Variants in PTPRS observed in about 807,000 individuals in gnomAD.
The protein encoded by PTPRS is protein tyrosine phosphatase receptor type S.
In PTPRS, 63 loss-of-function variants were observed where a neutral mutation model predicts 215.3. The observed-to-expected ratio is 0.29, with a 90% CI of 0.24 to 0.36. The LOEUF is 0.36. PTPRS is among the 10% of genes least tolerant of loss of function. The pLI, the probability that PTPRS is intolerant of heterozygous loss-of-function variation, is 1.00. For missense variants in PTPRS, 2,258 were observed against 2,825.8 expected, an observed-to-expected ratio of 0.80 and a Z score of 4.56; for synonymous variants, 1,404 against 1,191.4, an observed-to-expected ratio of 1.18 and a Z score of -3.68.
intron 2 of PTPRS, among the ~76,000 whole-genome samples, chr19:5,282,643 A>C (rs752870498): frequency 6.6e-6 from 1 of 152,048 alleles, no homozygotes; most frequent in Non-Finnish European, 1.5e-5. Context: ...TCTCTACCAA[A>C]AATACAAAAA....
In PTPRS at chr19:5,229,356, GAGGCGGC is replaced by G. The variant is rs1568425466; in HGVS notation, c.2350-21_2350-15del. 4.4e-6 allele frequency: 6 copies of G among 1,377,122 alleles called. No individual in the cohort carries two copies. In the African/African-American group the frequency reaches 9.0e-5, roughly 21 times the overall value. The allele number at this position is 1,377,122 out of a possible 1,614,324, so 85.3% of individuals were successfully genotyped here. A position where few individuals can be genotyped will look rare whatever the true frequency, so the allele number is the denominator to read the frequency against. ...ATCCGTCTCCCACTGAGCGCGGGAG[GAGGCGGC>G]AGGGGAGAGAGGAGGAAGGTGAGCG... On this transcript the variant is annotated splice_polypyrimidine_tract_variant and intron_variant, in intron 15 of 37. Coordinates refer to ENST00000262963, the MANE Select transcript of PTPRS (RefSeq NM_002850.4).
intron 1 of PTPRS, among the ~76,000 whole-genome samples, chr19:5,312,805 A>C (rs1291283481): frequency 6.6e-6 from 1 of 152,226 alleles, no homozygotes; most frequent in African/African-American, 2.4e-5. Context: ...CATTTTACAG[A>C]TGAGGCAACT....
chr19:5,271,687 C>G (rs946357274), intron 4 of PTPRS, among the ~76,000 whole-genome samples: 1 of 151,626 alleles, frequency 6.6e-6, no homozygotes, highest in Non-Finnish European at 1.5e-5. Flanking sequence ...CGTGAGCTAC[C>G]GCGCCCAGCC....
chr19:5,300,240 CAAAA>C (rs67349608), intron 1 of PTPRS, among the ~76,000 whole-genome samples: 2 of 113,456 alleles, frequency 1.8e-5, no homozygotes, highest in African/African-American at 3.0e-5. Flanking sequence ...GACTCCATCT[CAAAA>C]AAAAAAAAAA....
intron 12 of PTPRS, among the ~76,000 whole-genome samples, chr19:5,239,328 A>C (rs2043798514): frequency 6.6e-6 from 1 of 151,902 alleles, no homozygotes; most frequent in African/African-American, 2.4e-5. Context: ...AGAGACAGAG[A>C]CAGAGAGAAA....
At chr19:5,221,460 C>G (rs959811981) in intron 19 of PTPRS, among the ~76,000 whole-genome samples, 5 of 151,636 alleles carry the variant, frequency 3.3e-5, no homozygotes, top group Non-Finnish European at 5.9e-5. Context: ...TGACCCCAGA[C>G]TGTGCCTAAA....
Position 5,205,881 on chromosome 19 carries a change from G to A in PTPRS, c.*893C>T, listed in dbSNP as rs1300884865. 2.6e-5 allele frequency among the ~76,000 whole-genome samples: 4 copies of A among 151,736 alleles called. No homozygotes were observed. Among genetic ancestry groups the A allele is most frequent in the Non-Finnish European group, 4.4e-5 (3 of 67,950 alleles). On this transcript the variant is annotated 3_prime_UTR_variant, in exon 38 of 38. Transcript: ENST00000262963. Reference sequence around the variant, plus strand: ...TCTTACAGCAGCGTCCCCCTCAACCGCACCCAACGCCACTGGGTCCGAGCT... The same window carrying A: ...TCTTACAGCAGCGTCCCCCTCAACCACACCCAACGCCACTGGGTCCGAGCT...
At chr19:5,268,916 G>A (rs1258698807) in intron 4 of PTPRS, among the ~76,000 whole-genome samples, 1 of 152,208 alleles carries the variant, frequency 6.6e-6, no homozygotes, top group Non-Finnish European at 1.5e-5. Flanking sequence ...GGGCATGGCT[G>A]GATGCCGTCT....
rs2040552589 is a variant in PTPRS at position 5,208,310 on chromosome 19, T to C, written c.5569A>G (p.Ile1857Val). The part of the protein sequence containing the change: ...QGVPKSGEGF[I>V]DFIGQVHKTK... ...TTATGCACTTGGCCAATGAAGTCGA[T>C]GAAGCCCTCCCCCGACTTTGGCACA... is the stretch of plus-strand genomic sequence containing the variant. Residue 1857 changes from isoleucine to valine, a missense_variant, in exon 36 of 38, where the codon ATC becomes GTC. Transcript: ENST00000262963. The C allele has an allele frequency of 1.2e-6, 2 of 1,614,012 alleles. No individual in the cohort carries two copies. The highest frequency in any genetic ancestry group is 2.2e-5 in the East Asian group (1 of 44,880).
Position 5,293,863 on chromosome 19 carries a change from G to A in PTPRS, c.-94-7629C>T, listed in dbSNP as rs1422796124. On this transcript the variant is annotated intron_variant, in intron 1 of 37. Coordinates refer to ENST00000262963, the MANE Select transcript of PTPRS (RefSeq NM_002850.4). The surrounding 1 kb of genome is among the most constrained non-coding windows in gnomAD (Gnocchi z 8.4). The stretch of plus-strand genomic sequence containing the variant: ...CACAAGCCTGAGGAGGGGGCGGAGA[G>A]CACAGGGCCAGATTGGAAACAGATG... Among the ~76,000 whole-genome samples, 1 of 152,176 alleles carries A rather than the reference G, an allele frequency of 6.6e-6. No individual in the cohort carries two copies. Among genetic ancestry groups the A allele is most frequent in the East Asian group, 1.9e-4 (1 of 5,176 alleles).
intron 2 of PTPRS, among the ~76,000 whole-genome samples, chr19:5,274,605 ACC>A (rs1338104237): frequency 7.0e-5 from 3 of 42,602 alleles, no homozygotes; most frequent in African/African-American, 2.5e-4. Context: ...AGTGGATACA[ACC>A]TCACCTGGGC....
In PTPRS at chr19:5,218,398, G is replaced by C. The variant is rs371336851; in HGVS notation, c.4048+22C>G. The C allele has an allele frequency of 2.8e-5, 45 of 1,601,792 alleles. No individual in the cohort carries two copies. In the African/African-American group the frequency reaches 5.8e-4, roughly 21 times the overall value. ...TATCTCCCCTGTTGGTGGCATCCCT[G>C]GTACCAGGGATAAGTACATACCTGG... is the stretch of plus-strand genomic sequence containing the variant. On this transcript the variant is annotated intron_variant, in intron 25 of 37. Transcript: ENST00000262963.
At chr19:5,323,599 T>C (rs561958649) in intron 1 of PTPRS, among the ~76,000 whole-genome samples, 29 of 152,340 alleles carry the variant, frequency 1.9e-4, no homozygotes, top group African/African-American at 7.0e-4. Flanking sequence ...GGCGGGACCA[T>C]GCCTGGTGTA....
intron 1 of PTPRS, among the ~76,000 whole-genome samples, chr19:5,301,225 C>T (rs2049292579): frequency 1.3e-5 from 2 of 151,710 alleles, no homozygotes; most frequent in Non-Finnish European, 2.9e-5. Context: ...GACAGAATGG[C>T]CGGTCCCCCC....
intron 2 of PTPRS, 129 bp downstream of exon 2, chr19:5,285,921 A>T: frequency 1.4e-6 from 1 of 734,810 alleles, no homozygotes; most frequent in East Asian, 2.7e-5. Flanking sequence ...TGTGGAGCAT[A>T]AAAGTTCCAT....
At chr19:5,297,422 C>T (rs1036064337) in intron 1 of PTPRS, among the ~76,000 whole-genome samples, 3 of 152,184 alleles carry the variant, frequency 2.0e-5, no homozygotes, top group Non-Finnish European at 4.4e-5. Flanking sequence ...ATGTGCTGAG[C>T]ACCTACTGTG....
intron 1 of PTPRS, among the ~76,000 whole-genome samples, chr19:5,318,483 T>G (rs1262348153): frequency 6.6e-6 from 1 of 152,154 alleles, no homozygotes; most frequent in Non-Finnish European, 1.5e-5. Context: ...CCTGGGCAGG[T>G]GACTCGACTC....
chr19:5,337,250 T>G (rs1022114451), intron 1 of PTPRS, among the ~76,000 whole-genome samples: 1 of 152,136 alleles, frequency 6.6e-6, no homozygotes, highest in Non-Finnish European at 1.5e-5. Flanking sequence ...ATTTTTAGGG[T>G]TTTCCCTCCC....
chr19:5,268,863 G>A (rs1278244701), intron 4 of PTPRS, among the ~76,000 whole-genome samples: 1 of 152,240 alleles, frequency 6.6e-6, no homozygotes, highest in Admixed American at 6.5e-5. Context: ...GGCTGCAAAA[G>A]CCCTCCACTC....
Sources: allele counts gnomAD v4.1 joint callset (sites outside exome capture counted in the v4.1 genomes callset), GRCh38; gene constraint gnomAD v4.1.1; non-coding constraint Gnocchi (gnomAD v3.1); transcripts MANE v1.5; gene names NCBI Gene and HGNC (gene_info 2026-07-23, HGNC 2026-07-21).